The following BOC variants were observed in gnomAD, a reference collection of about 807,000 sequenced individuals.
BOC encodes BOC cell adhesion associated, oncogene regulated.
Under a neutral mutation model 112.0 loss-of-function variants are expected in BOC, and 76 were observed. The observed-to-expected ratio is 0.68, with a 90% CI of 0.56 to 0.82. The LOEUF is 0.82. Among genes scored for constraint, BOC ranks in the 40% least tolerant of loss-of-function variants. The pLI, the probability that BOC is intolerant of heterozygous loss-of-function variation, is 0.00. For synonymous variants in BOC, 580 were observed against 599.8 expected (o/e 0.97, Z 0.48); for missense variants, 1,309 against 1,511.7 (o/e 0.87, Z 2.22).
chr3:113,223,224 C>T (rs1267542255), intron 2 of BOC, among the ~76,000 whole-genome samples: 1 of 152,242 alleles, frequency 6.6e-6, no homozygotes, highest in Non-Finnish European at 1.5e-5. Flanking sequence ...GGGAGAAGAG[C>T]CCAAGCCTCC....
rs1330383417 is a variant in BOC at position 113,279,410 on chromosome 3, ATCCCCCCATCGCGGCTG to A, written c.1982_1998del (p.Pro661ArgfsTer61). 1.2e-6 allele frequency: 2 copies of A among 1,614,162 alleles called. No individual in the cohort carries two copies. Among genetic ancestry groups the A allele is most frequent in the Non-Finnish European group, 1.7e-6 (2 of 1,180,000 alleles). ...AGACTGGATTCTGGCCACCAGCGCC[ATCCCCCCATCGCGGCTG>A]TCCGTGGAGATCACGGGCCTAGAGA... On this transcript the variant is annotated frameshift_variant, in exon 12 of 20. Transcript: ENST00000682979. LOFTEE classifies it high-confidence loss of function.
chr3:113,252,979 C>T (rs1284793441), intron 4 of BOC, among the ~76,000 whole-genome samples: 1 of 152,108 alleles, frequency 6.6e-6, no homozygotes, highest in Non-Finnish European at 1.5e-5. Flanking sequence ...GGGCTGAGGT[C>T]AGAACTACGT....
Position 113,280,737 on chromosome 3 carries a change from GT to G in BOC, c.2311+75del. 13 of 1,222,476 alleles carry G rather than the reference GT, an allele frequency of 1.1e-5. No homozygotes were observed. The Middle Eastern group carries it at 5.6e-4, about 53-fold the overall frequency. The allele number at this position is 1,222,476 out of a possible 1,614,324, so 75.7% of individuals were successfully genotyped here. A position where few individuals can be genotyped will look rare whatever the true frequency, so the allele number is the denominator to read the frequency against. ...CGCTGGCATGGGGGACAAGGTATTG[GT>G]GAAATCTGGTGAAGCATAAACCTGC... On this transcript the variant is annotated intron_variant, in intron 14 of 19. Coordinates refer to ENST00000682979, the MANE Select transcript of BOC (RefSeq NM_001378074.1).
chr3:113,233,148 G>GGGGGGGTGTGT (rs75678874), intron 2 of BOC, among the ~76,000 whole-genome samples: 1 of 123,960 alleles, frequency 8.1e-6, no homozygotes, highest in African/African-American at 3.1e-5. Context: ...AAAGGATTGG[G>GGGGGGGTGTGT]GTGTGTGTGT....
At chr3:113,236,260 GTGTGTGTATA>G (rs1362078695) in intron 2 of BOC, among the ~76,000 whole-genome samples, 1,515 of 35,878 alleles carry the variant, frequency 0.042, 102 homozygotes, top group African/African-American at 0.097. Flanking sequence ...GTGTGTGTGT[GTGTGTGTATA>G]TATACCCATG....
rs1487498692 is a variant in BOC, at chr3:113,274,822, G to C, written c.1542+140G>C. On this transcript the variant is annotated intron_variant, in intron 9 of 19. Coordinates refer to ENST00000682979, the MANE Select transcript of BOC (RefSeq NM_001378074.1). This position sits in a 1 kb window ranked among gnomAD's most constrained non-coding sequence, Gnocchi z 4.8. ...TCCCCACCACTAAACAGGCCCTTCT[G>C]TCTCCTCCAGTGTCCATCCCTGCCA... is the stretch of plus-strand genomic sequence containing the variant. The C allele has an allele frequency of 2.3e-6, 2 of 859,366 alleles. No homozygotes were observed. 53.2% of individuals were successfully genotyped at this position (859,366 alleles called of 1,614,324 possible). A position where few individuals can be genotyped will look rare whatever the true frequency, so the allele number is the denominator to read the frequency against.
chr3:113,280,027 C>T, intron 13 of BOC, 22 bp downstream of exon 13: 1 of 1,584,168 alleles, frequency 6.3e-7, no homozygotes, highest in South Asian at 1.1e-5. Flanking sequence ...TGGCCGTGGA[C>T]TGCAGTGGAA....
chr3:113,245,367 C>T (rs35145868), intron 2 of BOC, among the ~76,000 whole-genome samples: 3,762 of 152,216 alleles, frequency 0.025, 160 homozygotes, highest in African/African-American at 0.087. Context: ...ATCCTCCTAC[C>T]TCAGCCTCCT....
intron 2 of BOC, among the ~76,000 whole-genome samples, chr3:113,235,730 A>C (rs1321985577): frequency 1.3e-5 from 2 of 152,208 alleles, no homozygotes; most frequent in Non-Finnish European, 2.9e-5. Context: ...ATGGATCCCT[A>C]TTCCCCAGAC....
chr3:113,267,658 A>G (rs1947632881), intron 4 of BOC, among the ~76,000 whole-genome samples: 1 of 152,246 alleles, frequency 6.6e-6, no homozygotes, highest in Admixed American at 6.5e-5. Context: ...GGTTATAACC[A>G]TGGCCGGCAA....
chr3:113,242,433 G>T (rs540695743), intron 2 of BOC, among the ~76,000 whole-genome samples: 1 of 152,258 alleles, frequency 6.6e-6, no homozygotes, highest in East Asian at 1.9e-4. Flanking sequence ...GCAGGGAGAG[G>T]ATTAGACGTG....
chr3:113,262,011 C>CTGTT (rs1946942034), intron 4 of BOC: 1 of 151,884 alleles, frequency 6.6e-6, no homozygotes, highest in Non-Finnish European at 1.5e-5. Flanking sequence ...CCCATGGAAA[C>CTGTT]TGTTTTCTTT....
At chr3:113,226,849 A>G (rs1377116910) in intron 2 of BOC, among the ~76,000 whole-genome samples, 3 of 152,236 alleles carry the variant, frequency 2.0e-5, no homozygotes, top group African/African-American at 7.2e-5. Context: ...CTTGCCTGAC[A>G]GCAGTACATT....
chr3:113,220,953 G>A (rs892649566), intron 2 of BOC, among the ~76,000 whole-genome samples: 4 of 152,206 alleles, frequency 2.6e-5, no homozygotes, highest in Non-Finnish European at 4.4e-5. Flanking sequence ...GAAGGGTGGA[G>A]TGCTGGGAAA....
At chr3:113,261,850 A>G (rs1946914365) in intron 4 of BOC, 1 of 151,396 alleles carries the variant, frequency 6.6e-6, no homozygotes, top group African/African-American at 2.4e-5. Context: ...AGTCTCTTTC[A>G]TCTCTTCCCC....
In BOC at chr3:113,274,707, G is replaced by A. The variant is rs775486079; in HGVS notation, c.1542+25G>A. 1 of 1,556,784 alleles carries A rather than the reference G, an allele frequency of 6.4e-7. No individual in the cohort carries two copies. Among genetic ancestry groups the A allele is most frequent in the Admixed American group, 1.7e-5 (1 of 57,386 alleles). ...GGTATGGCCCTGGTGTGGGGCTGCT[G>A]CCTCCCCTGCACAGCCTTTCCAGCA... On this transcript the variant is annotated intron_variant, in intron 9 of 19. Transcript: ENST00000682979. This position sits in a 1 kb window ranked among gnomAD's most constrained non-coding sequence, Gnocchi z 4.8.
intron 2 of BOC, among the ~76,000 whole-genome samples, chr3:113,222,460 G>A (rs1270212158): frequency 6.6e-6 from 1 of 152,198 alleles, no homozygotes; most frequent in Non-Finnish European, 1.5e-5. Context: ...GAATGCTACT[G>A]TTAAGAGTAT....
intron 2 of BOC, among the ~76,000 whole-genome samples, chr3:113,221,669 T>A (rs1015841487): frequency 6.6e-6 from 1 of 152,234 alleles, no homozygotes; most frequent in Non-Finnish European, 1.5e-5. Flanking sequence ...GCTTGGATTA[T>A]CAAAATAAGC....
chr3:113,239,724 G>A (rs1238989777), intron 2 of BOC, among the ~76,000 whole-genome samples: 1 of 152,250 alleles, frequency 6.6e-6, no homozygotes, highest in Non-Finnish European at 1.5e-5. Context: ...TCTTTGCAGG[G>A]AAGGTTGGGA....
Sources: allele counts gnomAD v4.1 joint callset (sites outside exome capture counted in the v4.1 genomes callset), GRCh38; gene constraint gnomAD v4.1.1; non-coding constraint Gnocchi (gnomAD v3.1); transcripts MANE v1.5; gene names NCBI Gene and HGNC (gene_info 2026-07-23, HGNC 2026-07-21).